SHISA9: variants seen among roughly 807,000 people sequenced by gnomAD.
The protein encoded by SHISA9 is shisa family member 9, also known as protein shisa-9.
SHISA9 carries 13 observed loss-of-function variants against 38.0 expected under a neutral mutation model. That is an observed-to-expected ratio of 0.34 (90% CI 0.22 to 0.54). SHISA9 has a LOEUF of 0.54. Among genes scored for constraint, SHISA9 ranks in the 20% least tolerant of loss-of-function variants. The pLI, the probability that SHISA9 is intolerant of heterozygous loss-of-function variation, is 0.91. For synonymous variants in SHISA9, 275 were observed against 242.0 expected (o/e 1.14, Z -1.27); for missense variants, 538 against 575.8 (o/e 0.93, Z 0.67).
chr16:13,262,023 G>C, the SHISA9 span, among the ~76,000 whole-genome samples: 1 of 152,132 alleles, frequency 6.6e-6, no homozygotes, highest in Non-Finnish European at 1.5e-5. Flanking sequence ...AAAAGTAATA[G>C]ATAGATAACA....
chr16:13,322,943 T>A, the SHISA9 span, among the ~76,000 whole-genome samples: 1 of 152,188 alleles, frequency 6.6e-6, no homozygotes, highest in African/African-American at 2.4e-5. Context: ...TCACGTCCAG[T>A]ACCTGCACCA....
the SHISA9 span, among the ~76,000 whole-genome samples, chr16:13,410,258 A>G: frequency 6.6e-6 from 1 of 152,212 alleles, no homozygotes; most frequent in Non-Finnish European, 1.5e-5. Context: ...AAAATGTTGA[A>G]TATCTCTATA....
chr16:13,328,541 T>C, the SHISA9 span, among the ~76,000 whole-genome samples: 7 of 151,062 alleles, frequency 4.6e-5, no homozygotes, highest in African/African-American at 1.7e-4. Context: ...GCCTTCTGAG[T>C]AGCTAGAATT....
the SHISA9 span, among the ~76,000 whole-genome samples, chr16:13,246,717 A>G: frequency 6.6e-6 from 1 of 152,290 alleles, no homozygotes; most frequent in Non-Finnish European, 1.5e-5. Context: ...ACTGGACGTT[A>G]TGTGAGTTAG....
chr16:13,516,067 C>T, the SHISA9 span, among the ~76,000 whole-genome samples: 1 of 152,210 alleles, frequency 6.6e-6, no homozygotes, highest in Non-Finnish European at 1.5e-5. Flanking sequence ...TGGTAGGCTG[C>T]TCAAAAACCT....
At chr16:13,222,097 A>G (rs1325602805) in intron 4 of SHISA9, among the ~76,000 whole-genome samples, 1 of 152,164 alleles carries the variant, frequency 6.6e-6, no homozygotes, top group African/African-American at 2.4e-5. Flanking sequence ...ACTCCCCATT[A>G]TAAAACCATC....
chr16:13,214,514 T>C (rs1002943187), intron 4 of SHISA9, among the ~76,000 whole-genome samples: 22 of 152,130 alleles, frequency 1.4e-4, no homozygotes, highest in African/African-American at 5.1e-4. Flanking sequence ...CCAGTAGAAC[T>C]CTTTAATGAG....
At chr16:13,357,133 G>A in the SHISA9 span, among the ~76,000 whole-genome samples, 14 of 152,078 alleles carry the variant, frequency 9.2e-5, no homozygotes, top group African/African-American at 3.4e-4. Flanking sequence ...AAGGGGTTGG[G>A]GCACGGAAAT....
the SHISA9 span, among the ~76,000 whole-genome samples, chr16:13,271,243 G>A: frequency 6.6e-6 from 1 of 152,152 alleles, no homozygotes; most frequent in Non-Finnish European, 1.5e-5. Flanking sequence ...AGTGTAGAGA[G>A]AAGGAACAAA....
intron 2 of SHISA9, among the ~76,000 whole-genome samples, chr16:12,944,966 T>C (rs1250961575): frequency 6.6e-6 from 1 of 152,184 alleles, no homozygotes; most frequent in Non-Finnish European, 1.5e-5. Flanking sequence ...AGCTCAGTCC[T>C]GCTGGAGAAC....
At chr16:13,530,303 A>G in the SHISA9 span, among the ~76,000 whole-genome samples, 2 of 152,104 alleles carry the variant, frequency 1.3e-5, no homozygotes, top group South Asian at 4.2e-4. Context: ...TCCGTCTCAA[A>G]AAATAAATAA....
chr16:12,955,917 T>G (rs1260527417), intron 2 of SHISA9, among the ~76,000 whole-genome samples: 1 of 152,138 alleles, frequency 6.6e-6, no homozygotes, highest in African/African-American at 2.4e-5. Flanking sequence ...GAGACTTACT[T>G]TAATTAAAAA....
chr16:13,316,565 A>G, the SHISA9 span, among the ~76,000 whole-genome samples: 1 of 152,188 alleles, frequency 6.6e-6, no homozygotes, highest in African/African-American at 2.4e-5. Context: ...ACCATGTTCC[A>G]GTCATACTAT....
intron 2 of SHISA9, among the ~76,000 whole-genome samples, chr16:12,951,564 C>T (rs2141776317): frequency 6.6e-6 from 1 of 152,168 alleles, no homozygotes; most frequent in African/African-American, 2.4e-5. Flanking sequence ...TTTCACTGAC[C>T]TCTGCTGTAG....
At chr16:13,391,041 A>G in the SHISA9 span, among the ~76,000 whole-genome samples, 1 of 152,320 alleles carries the variant, frequency 6.6e-6, no homozygotes, top group Non-Finnish European at 1.5e-5. Context: ...GAGAGAGAAC[A>G]GGAGTGGAGA....
At chr16:12,915,441 T>C (rs2071241187) in intron 1 of SHISA9, among the ~76,000 whole-genome samples, 1 of 152,166 alleles carries the variant, frequency 6.6e-6, no homozygotes, top group Non-Finnish European at 1.5e-5. Context: ...CAAGACCCTA[T>C]CTGAAGAAAG....
chr16:12,903,372 T>C (rs1358478086), intron 1 of SHISA9, among the ~76,000 whole-genome samples: 1 of 152,150 alleles, frequency 6.6e-6, no homozygotes, highest in Non-Finnish European at 1.5e-5. Context: ...AGCCCCCTCC[T>C]CGCGCGCCCT....
the SHISA9 span, among the ~76,000 whole-genome samples, chr16:13,359,380 GGCT>G: frequency 6.6e-6 from 1 of 152,324 alleles, no homozygotes; most frequent in Non-Finnish European, 1.5e-5. Context: ...GTACCCGGGA[GGCT>G]GAGGCAGGAG....
chr16:13,488,904 GGCGCCTGCCACC>G, the SHISA9 span, among the ~76,000 whole-genome samples: 13 of 152,086 alleles, frequency 8.5e-5, no homozygotes, highest in Non-Finnish European at 1.2e-4. Flanking sequence ...TGGGACTACA[GGCGCCTGCCACC>G]GCGCCTGCCA....
Sources: allele counts gnomAD v4.1 joint callset (sites outside exome capture counted in the v4.1 genomes callset), GRCh38; gene constraint gnomAD v4.1.1; transcripts MANE v1.5; gene names NCBI Gene and HGNC (gene_info 2026-07-23, HGNC 2026-07-21).